Variants in DNAAF4 observed in about 807,000 individuals in gnomAD.
DNAAF4 encodes dynein axonemal assembly factor 4.
DNAAF4 carries 43 observed loss-of-function variants against 51.8 expected under a neutral mutation model. The ratio of observed to expected loss-of-function variants is 0.83; its 90% CI spans 0.65 to 1.07. DNAAF4 has a LOEUF of 1.07. DNAAF4 is among the 50% of genes least tolerant of loss of function. The probability of loss-of-function intolerance (pLI) is 0.00; values close to 1 mark genes in which losing one functional copy is unlikely to be tolerated. For missense variants in DNAAF4, 581 were observed against 493.0 expected (o/e 1.18, Z -1.69); for synonymous variants, 194 against 165.6 (o/e 1.17, Z -1.32).
intron 4 of DNAAF4, among the ~76,000 whole-genome samples, chr15:55,484,444 C>G (rs1352071653): frequency 6.7e-6 from 1 of 150,370 alleles, no homozygotes; most frequent in Non-Finnish European, 1.5e-5. Flanking sequence ...GAGATCGCAC[C>G]ACTGCACTCC....
At chr15:55,460,299 C>A (rs1188029208) in intron 5 of DNAAF4, among the ~76,000 whole-genome samples, 1 of 151,780 alleles carries the variant, frequency 6.6e-6, no homozygotes, top group South Asian at 2.1e-4. Flanking sequence ...CCTGCCTCAG[C>A]CTCCTGAGTA....
At chr15:55,447,826 G>C (rs1483937939) in intron 6 of DNAAF4, among the ~76,000 whole-genome samples, 1 of 115,638 alleles carries the variant, frequency 8.6e-6, no homozygotes, top group Non-Finnish European at 1.8e-5. Context: ...AGAGGGGAGA[G>C]GGCAGAGGGG....
At chr15:55,447,787 G>GAGAGGGGAGAGGGGAGCGGGC (rs2057858249) in intron 6 of DNAAF4, among the ~76,000 whole-genome samples, 1 of 64,972 alleles carries the variant, frequency 1.5e-5, no homozygotes, top group African/African-American at 6.2e-5. Context: ...AGAGAGAGGG[G>GAGAGGGGAGAGGGGAGCGGGC]AGAGGGGAGA....
intron 3 of DNAAF4, among the ~76,000 whole-genome samples, chr15:55,492,617 G>A (rs1029091108): frequency 2.0e-5 from 3 of 151,604 alleles, no homozygotes; most frequent in Admixed American, 1.3e-4. Flanking sequence ...TCAGCTCACT[G>A]CAACCCCCGC....
chr15:55,505,160 T>C (rs963349692), intron 1 of DNAAF4, among the ~76,000 whole-genome samples: 3 of 152,154 alleles, frequency 2.0e-5, no homozygotes, highest in Non-Finnish European at 2.9e-5. Context: ...AACAGACATA[T>C]GAAAAAATGC....
chr15:55,458,325 T>C (rs750619399), intron 5 of DNAAF4, among the ~76,000 whole-genome samples: 27 of 152,016 alleles, frequency 1.8e-4, no homozygotes, highest in Non-Finnish European at 2.1e-4. Flanking sequence ...TCCAGAGAAA[T>C]AGATATTATA....
intron 4 of DNAAF4, among the ~76,000 whole-genome samples, chr15:55,468,584 AGAC>A (rs1174401106): frequency 2.6e-5 from 4 of 152,186 alleles, no homozygotes; most frequent in Admixed American, 2.0e-4. Context: ...ACAACCTAAA[AGAC>A]GACTTCACCC....
At chr15:55,436,156 A>C (rs1207061448) in intron 7 of DNAAF4, among the ~76,000 whole-genome samples, 2 of 152,074 alleles carry the variant, frequency 1.3e-5, no homozygotes, top group Non-Finnish European at 2.9e-5. Context: ...CACCTCTACC[A>C]ACAGTGCACA....
intron 7 of DNAAF4, among the ~76,000 whole-genome samples, chr15:55,424,577 G>T (rs1486142657): frequency 6.6e-6 from 1 of 152,044 alleles, no homozygotes; most frequent in Non-Finnish European, 1.5e-5. Context: ...TTTTGACTAG[G>T]CCCCATCCTT....
chr15:55,469,953 A>G (rs1348941409), intron 4 of DNAAF4, among the ~76,000 whole-genome samples: 1 of 151,940 alleles, frequency 6.6e-6, no homozygotes, highest in Non-Finnish European at 1.5e-5. Context: ...TTTCTAACCA[A>G]TCAGCTATAA....
intron 5 of DNAAF4, 35 bp from the exon 6 acceptor site, chr15:55,450,402 T>A: frequency 6.3e-7 from 1 of 1,593,766 alleles, no homozygotes; most frequent in Non-Finnish European, 8.5e-7. Flanking sequence ...AGTCACTTAT[T>A]TCTCATTTTC....
chr15:55,507,678 A>G (rs555877027), intron 1 of DNAAF4, among the ~76,000 whole-genome samples: 17 of 152,166 alleles, frequency 1.1e-4, no homozygotes, highest in Non-Finnish European at 2.5e-4. Flanking sequence ...ATTACCACAT[A>G]GTCACACTGT....
chr15:55,420,037 A>G (rs1269575867), intron 7 of DNAAF4, among the ~76,000 whole-genome samples: 1 of 152,118 alleles, frequency 6.6e-6, no homozygotes, highest in African/African-American at 2.4e-5. Context: ...ATTTTGGGAG[A>G]ATGAGATTAG....
chr15:55,452,211 G>A (rs2057944314), intron 5 of DNAAF4, among the ~76,000 whole-genome samples: 2 of 114,838 alleles, frequency 1.7e-5, no homozygotes, highest in Non-Finnish European at 3.2e-5. Context: ...TCACGCCACT[G>A]CACTCCAGCC....
In DNAAF4 at chr15:55,458,139, C is replaced by T. The variant is rs887761958; in HGVS notation, c.638-7772G>A. Among the ~76,000 whole-genome samples, 6 of 152,060 alleles carry T rather than the reference C, an allele frequency of 3.9e-5. No homozygotes were observed. The South Asian group carries it at 1.0e-3, about 26-fold the overall frequency. ...TATGACAATACAAGGTTCTGTAACACCCCCAAAAGATCATACTAGCTCTCC... is the reference window on the plus strand; with the variant it reads ...TATGACAATACAAGGTTCTGTAACATCCCCAAAAGATCATACTAGCTCTCC... On this transcript the variant is annotated intron_variant, in intron 5 of 9. Transcript: ENST00000321149.
At chr15:55,452,077 T>C (rs1227011160) in intron 5 of DNAAF4, among the ~76,000 whole-genome samples, 1 of 151,538 alleles carries the variant, frequency 6.6e-6, no homozygotes, top group African/African-American at 2.4e-5. Flanking sequence ...TGAAACCTCA[T>C]CTCTACTAAA....
chr15:55,426,065 G>A (rs933414208), downstream of DNAAF4, among the ~76,000 whole-genome samples: 1 of 152,076 alleles, frequency 6.6e-6, no homozygotes, highest in African/African-American at 2.4e-5. Context: ...GGAAGCCAGT[G>A]AGCCAGGAGT....
chr15:55,423,705 C>A (rs946288169), intron 7 of DNAAF4, among the ~76,000 whole-genome samples: 1 of 152,162 alleles, frequency 6.6e-6, no homozygotes, highest in Non-Finnish European at 1.5e-5. Flanking sequence ...GCAATCTCAG[C>A]ACTTTGGGAG....
chr15:55,475,667 T>C (rs1041952928), intron 4 of DNAAF4, among the ~76,000 whole-genome samples: 17 of 152,176 alleles, frequency 1.1e-4, no homozygotes, highest in African/African-American at 4.1e-4. Context: ...AAGTTACAGA[T>C]TTTGGAGCAT....
Sources: allele counts gnomAD v4.1 joint callset (sites outside exome capture counted in the v4.1 genomes callset), GRCh38; gene constraint gnomAD v4.1.1; transcripts MANE v1.5; gene names NCBI Gene and HGNC (gene_info 2026-07-23, HGNC 2026-07-21).